Variants in NEXN observed in about 807,000 individuals in gnomAD.
NEXN encodes nexilin F-actin binding protein.
In NEXN, 65 loss-of-function variants were observed where a neutral mutation model predicts 92.6. That is an observed-to-expected ratio of 0.70 (90% CI 0.57 to 0.86). The LOEUF is 0.86. Among genes scored for constraint, NEXN ranks in the 40% least tolerant of loss-of-function variants. The probability of loss-of-function intolerance (pLI) is 0.00; values close to 1 mark genes in which losing one functional copy is unlikely to be tolerated. For synonymous variants in NEXN, 254 were observed against 242.5 expected (o/e 1.05, Z -0.44); for missense variants, 778 against 771.1 (o/e 1.01, Z -0.11).
chr1:77,897,835 C>T (rs1438019888), intron 1 of NEXN, among the ~76,000 whole-genome samples: 1 of 151,798 alleles, frequency 6.6e-6, no homozygotes, highest in Non-Finnish European at 1.5e-5. Flanking sequence ...AATCAATGTG[C>T]AAAAATCACA....
intron 1 of NEXN, among the ~76,000 whole-genome samples, chr1:77,895,266 C>T (rs747918182): frequency 2.6e-5 from 4 of 151,518 alleles, no homozygotes; most frequent in Admixed American, 2.0e-4. Flanking sequence ...AGGATGGTCT[C>T]GATCTCCTGA....
intron 10 of NEXN, among the ~76,000 whole-genome samples, chr1:77,934,615 GCCTAA>G (rs756098735): frequency 2.0e-5 from 3 of 152,210 alleles, no homozygotes; most frequent in Non-Finnish European, 2.9e-5. Context: ...CCAGGGCCCT[GCCTAA>G]CCTTCTTCCC....
chr1:77,925,196 C>A lies in NEXN; in HGVS notation c.456C>A (p.Asp152Glu). 6.3e-7 allele frequency: 1 copy of A among 1,595,028 alleles called. No individual in the cohort carries two copies. The highest frequency in any genetic ancestry group is 8.6e-7 in the Non-Finnish European group (1 of 1,164,532). ...AAATTCTCATTCAATAGATTGAGGA[C>A]ATAAACAATACGGGAACTGAATCAG... ...ELAKRAEQIE[D>E]INNTGTESAS... The change falls in exon 6 of 13, where the codon GAC becomes GAA. Residue 152 changes from aspartate to glutamate, a missense_variant. By Grantham distance (45) the Asp-to-Glu change is conservative. Around this residue, in one of 3 missense-constraint regions of NEXN, gnomAD observed 236 missense variants for 265.6 expected, o/e 0.89. Coordinates refer to ENST00000334785, the MANE Select transcript of NEXN (RefSeq NM_144573.4).
Position 77,939,541 on chromosome 1 carries a change from T to C in NEXN, c.1474-2482T>C, listed in dbSNP as rs80266800. On this transcript the variant is annotated intron_variant, in intron 11 of 12. Coordinates refer to ENST00000334785, the MANE Select transcript of NEXN (RefSeq NM_144573.4). ...TGCACTTGCTTCCTTTTGTTAATGG[T>C]AGTGAAACCTTAGCAGTTATACCTA... 1.2e-3 allele frequency among the ~76,000 whole-genome samples: 189 copies of C among 152,348 alleles called. 3 individuals carry two copies. The East Asian group carries it at 0.03, about 24-fold the overall frequency.
intron 5 of NEXN, among the ~76,000 whole-genome samples, chr1:77,918,560 G>A (rs933749808): frequency 2.0e-5 from 3 of 151,506 alleles, no homozygotes; most frequent in African/African-American, 7.3e-5. Flanking sequence ...CAGCTATTCA[G>A]AAGGCTGAGG....
chr1:77,895,120 C>G (rs889523230), intron 1 of NEXN, among the ~76,000 whole-genome samples: 1 of 133,212 alleles, frequency 7.5e-6, no homozygotes, highest in Non-Finnish European at 1.5e-5. Context: ...TCTCAGCTCA[C>G]TGCAAACTCC....
chr1:77,928,328 A>T (rs530694426), intron 8 of NEXN, among the ~76,000 whole-genome samples: 9 of 151,220 alleles, frequency 6.0e-5, no homozygotes, highest in Non-Finnish European at 1.2e-4. Flanking sequence ...AAAAAAAAGG[A>T]TCTAAAAATG....
intron 5 of NEXN, among the ~76,000 whole-genome samples, chr1:77,920,619 T>TAA (rs66533373): frequency 1.4e-3 from 94 of 67,260 alleles, no homozygotes; most frequent in Non-Finnish European, 1.8e-3. Flanking sequence ...CCCTGTCTCT[T>TAA]AAAAAAAAAA....
chr1:77,942,905 GACT>G lies in NEXN; in HGVS notation c.*81_*83del. The G allele has an allele frequency of 6.7e-7, 1 of 1,494,366 alleles. No individual in the cohort carries two copies. Among genetic ancestry groups the G allele is most frequent in the Non-Finnish European group, 9.1e-7 (1 of 1,099,130 alleles). The allele number at this position is 1,494,366 out of a possible 1,614,324, so 92.6% of individuals were successfully genotyped here. On this transcript the variant is annotated 3_prime_UTR_variant, in exon 13 of 13. Transcript: ENST00000334785. ...TTTCTTCTTCTCTTTTTTAGCTGATGACTACTAGCTCCCCTCCCCTCTCCCTGG... is the reference window on the plus strand; with the variant it reads ...TTTCTTCTTCTCTTTTTTAGCTGATGACTAGCTCCCCTCCCCTCTCCCTGG...
At chr1:77,891,839 A>G (rs1647115666) in intron 1 of NEXN, among the ~76,000 whole-genome samples, 1 of 151,134 alleles carries the variant, frequency 6.6e-6, no homozygotes, top group South Asian at 2.1e-4. Flanking sequence ...GCACTTTGGG[A>G]GGCTGAGGCG....
chr1:77,894,378 T>C (rs1647173855), intron 1 of NEXN, among the ~76,000 whole-genome samples: 1 of 152,124 alleles, frequency 6.6e-6, no homozygotes, highest in Non-Finnish European at 1.5e-5. Flanking sequence ...TTATGACAGG[T>C]TTTATAGTAT....
At chr1:77,923,968 G>A (rs1279104863) in intron 5 of NEXN, among the ~76,000 whole-genome samples, 2 of 152,084 alleles carry the variant, frequency 1.3e-5, no homozygotes, top group Admixed American at 6.6e-5. Flanking sequence ...GAGCCATTGT[G>A]CCTGGCCAAG....
rs537009533 is a variant in NEXN, at chr1:77,943,640, T to C, written c.*811T>C. ...GTTGTGATCTTGCCTGAACAAATTA[T>C]ATTTTAATGAAAAAACTTTCTATTA... On this transcript the variant is annotated 3_prime_UTR_variant, in exon 13 of 13. Coordinates refer to ENST00000334785, the MANE Select transcript of NEXN (RefSeq NM_144573.4). 6.6e-6 allele frequency: 1 copy of C among 152,220 alleles called. No homozygotes were observed. Among genetic ancestry groups the C allele is most frequent in the Non-Finnish European group, 1.5e-5 (1 of 67,950 alleles). 9.4% of individuals were successfully genotyped at this position (152,220 alleles called of 1,614,324 possible).
chr1:77,900,482 C>T (rs1647612425), intron 1 of NEXN, among the ~76,000 whole-genome samples: 1 of 152,104 alleles, frequency 6.6e-6, no homozygotes, highest in Non-Finnish European at 1.5e-5. Flanking sequence ...TTTCGTATCC[C>T]ATTGCCAGGC....
chr1:77,916,041 T>C lies in NEXN; in HGVS notation c.-52-14T>C, dbSNP rs533884102. The C allele has an allele frequency of 8.9e-6, 9 of 1,016,870 alleles. No homozygotes were observed. The African/African-American group carries it at 1.5e-4, about 17-fold the overall frequency. 63.0% of individuals were successfully genotyped at this position (1,016,870 alleles called of 1,614,324 possible). On this transcript the variant is annotated splice_polypyrimidine_tract_variant and intron_variant, in intron 1 of 12. Coordinates refer to ENST00000334785, the MANE Select transcript of NEXN (RefSeq NM_144573.4). The stretch of plus-strand genomic sequence containing the variant: ...ATAAATTAAAATTTATTATACAATA[T>C]AAATTTTTTTCAGGTGCAAATATAT...
At chr1:77,934,185 T>A (rs1044430523) in intron 10 of NEXN, among the ~76,000 whole-genome samples, 1 of 151,918 alleles carries the variant, frequency 6.6e-6, no homozygotes, top group Non-Finnish European at 1.5e-5. Flanking sequence ...AATTTTTGTA[T>A]TTTTGGTAGA....
At chr1:77,904,710 T>G (rs1647976089) in intron 1 of NEXN, among the ~76,000 whole-genome samples, 1 of 152,208 alleles carries the variant, frequency 6.6e-6, no homozygotes, top group East Asian at 1.9e-4. Context: ...TGGAAATCAT[T>G]GATCTTAGTC....
At chr1:77,893,337 T>G (rs903736578) in intron 1 of NEXN, among the ~76,000 whole-genome samples, 1 of 152,106 alleles carries the variant, frequency 6.6e-6, no homozygotes, top group Admixed American at 6.5e-5. Context: ...TGTCCTTCAA[T>G]GAAAGATCAT....
chr1:77,933,286 T>C lies in NEXN; in HGVS notation c.1058T>C (p.Val353Ala). 1 of 1,565,892 alleles carries C rather than the reference T, an allele frequency of 6.4e-7. No individual in the cohort carries two copies. Among genetic ancestry groups the C allele is most frequent in the Non-Finnish European group, 8.8e-7 (1 of 1,138,552 alleles). Residue 353 changes from valine (V) to alanine (A), a missense_variant, in exon 10 of 13, where the codon GTA (valine) becomes GCA (alanine). This residue lies in a region of NEXN where 532 missense variants were observed against 476.7 expected (regional missense o/e 1.12). Coordinates refer to ENST00000334785, the MANE Select transcript of NEXN (RefSeq NM_144573.4). ...AFAEARRNMVVDDDSPEMYKT... is the reference protein window; with the variant it reads ...AFAEARRNMVADDDSPEMYKT... Reference sequence around the variant, plus strand: ...TAAAATAATTATTTTAAATAGGTAGTAGATGATGACTCCCCAGAGATGTAT... The same window carrying C: ...TAAAATAATTATTTTAAATAGGTAGCAGATGATGACTCCCCAGAGATGTAT...
Sources: allele counts gnomAD v4.1 joint callset (sites outside exome capture counted in the v4.1 genomes callset), GRCh38; gene constraint gnomAD v4.1.1; regional missense constraint gnomAD v4.1.1; transcripts MANE v1.5; gene names NCBI Gene and HGNC (gene_info 2026-07-23, HGNC 2026-07-21).